Variants in FGD4 observed in about 807,000 individuals in gnomAD.
FGD4 encodes FYVE, RhoGEF and PH domain containing 4, also known as FYVE, RhoGEF and PH domain-containing protein 4.
In FGD4, 42 loss-of-function variants were observed where a neutral mutation model predicts 102.0. That is an observed-to-expected ratio of 0.41 (90% confidence interval 0.32 to 0.53). The LOEUF is 0.53. Among genes scored for constraint, FGD4 ranks in the 20% least tolerant of loss-of-function variants. FGD4 has a pLI of 0.21. For synonymous variants in FGD4, 380 were observed against 375.7 expected (o/e 1.01, Z -0.13); for missense variants, 902 against 1,078.2 (o/e 0.84, Z 2.29).
intron 4 of FGD4, among the ~76,000 whole-genome samples, chr12:32,584,662 G>A (rs12372735): frequency 0.12 from 18,724 of 151,910 alleles, 1,221 homozygotes; most frequent in Middle Eastern, 0.17. Context: ...GTTATGCTGT[G>A]ATATAGGTAT....
intron 1 of FGD4, among the ~76,000 whole-genome samples, chr12:32,498,801 C>T (rs1336048463): frequency 6.6e-6 from 1 of 152,158 alleles, no homozygotes; most frequent in African/African-American, 2.4e-5. Flanking sequence ...CAGGGTTTCA[C>T]CATGTTGGTC....
At chr12:32,576,483 G>A in intron 3 of FGD4, 34 bp downstream of exon 3, 2 of 1,612,030 alleles carry the variant, frequency 1.2e-6, no homozygotes, top group Non-Finnish European at 8.5e-7. Flanking sequence ...GAAGGCAGGA[G>A]AAGAAGAAAG....
At chr12:32,621,300 CAA>C (rs1177046095) in intron 11 of FGD4, among the ~76,000 whole-genome samples, 3 of 152,130 alleles carry the variant, frequency 2.0e-5, no homozygotes, top group Admixed American at 1.3e-4. Flanking sequence ...AAAATAATAA[CAA>C]TAATAATAAT....
chr12:32,596,804 G>A (rs1354008710), intron 4 of FGD4, among the ~76,000 whole-genome samples: 1 of 151,878 alleles, frequency 6.6e-6, no homozygotes. Context: ...CCGTCGTGGT[G>A]CATGCCTGTA....
chr12:32,608,408 A>T (rs1948925512), intron 8 of FGD4, among the ~76,000 whole-genome samples: 1 of 152,248 alleles, frequency 6.6e-6, no homozygotes. Context: ...GGAAGAATAT[A>T]GCCATTCAGA....
rs1356584380 is a variant in FGD4 at position 32,611,265 on chromosome 12, A to G, written c.1731A>G (p.Gln577=). The change falls in exon 10 of 17, where the codon CAA becomes CAG. Residue 577 remains glutamine (Q), a synonymous_variant. Transcript: ENST00000534526. The part of the protein sequence containing the change: ...LKLAARNTSA[Q]ERYLFLFNNM... Reference sequence around the variant, plus strand: ...TAGCTGCTCGGAACACTTCAGCACAAGAACGCTACCTTTTCTTAGTGAGTA... The same window carrying G: ...TAGCTGCTCGGAACACTTCAGCACAGGAACGCTACCTTTTCTTAGTGAGTA... 3 of 1,614,224 alleles carry G rather than the reference A, an allele frequency of 1.9e-6. No homozygotes were observed. The Admixed American group carries it at 5.0e-5, about 27-fold the overall frequency.
intron 4 of FGD4, among the ~76,000 whole-genome samples, chr12:32,597,105 G>A (rs965614862): frequency 4.6e-5 from 7 of 152,076 alleles, no homozygotes; most frequent in Non-Finnish European, 7.4e-5. Context: ...TGGAAATACT[G>A]TTTCTTTTTA....
chr12:32,461,625 T>C (rs899992469), intron 1 of FGD4, among the ~76,000 whole-genome samples: 7 of 152,190 alleles, frequency 4.6e-5, no homozygotes, highest in African/African-American at 1.7e-4. Flanking sequence ...ATTTCAAGAA[T>C]GTTGTACATT....
At chr12:32,613,744 G>T (rs1216344631) in intron 10 of FGD4, among the ~76,000 whole-genome samples, 1 of 152,178 alleles carries the variant, frequency 6.6e-6, no homozygotes, top group South Asian at 2.1e-4. Flanking sequence ...CCCAGCCTGG[G>T]TGACAGAGTG....
At position 32,550,742 on chromosome 12, in the gene FGD4, CTAAT is replaced by C. The variant is rs368575794; in HGVS notation, c.167-13392_167-13389del. 5.0e-3 allele frequency among the ~76,000 whole-genome samples: 740 copies of C among 148,278 alleles called. 5 individuals are homozygous for C. The highest frequency in any genetic ancestry group is 0.017 in the African/African-American group (675 of 40,460). On this transcript the variant is annotated intron_variant, in intron 1 of 16. Transcript: ENST00000534526. The stretch of plus-strand genomic sequence containing the variant: ...CTTAAACATGCTTTTCAGAAAATGA[CTAAT>C]TATCAAAAACTAGCAATTGTGATAC...
chr12:32,599,697 A>G (rs1357000775), intron 5 of FGD4, among the ~76,000 whole-genome samples: 1 of 149,798 alleles, frequency 6.7e-6, no homozygotes, highest in Non-Finnish European at 1.5e-5. Flanking sequence ...ACAGGCATGC[A>G]CCACCCACGC....
chr12:32,492,594 A>G (rs921549774), intron 1 of FGD4, among the ~76,000 whole-genome samples: 4 of 152,306 alleles, frequency 2.6e-5, no homozygotes, highest in African/African-American at 9.6e-5. Context: ...TGAAATTGCT[A>G]TAGTTTATTA....
intron 1 of FGD4, among the ~76,000 whole-genome samples, chr12:32,479,786 C>CTTTTT (rs559968024): frequency 6.6e-5 from 7 of 106,594 alleles, no homozygotes; most frequent in Admixed American, 1.1e-4. Flanking sequence ...AAGCATTATT[C>CTTTTT]TTTTTTTTTT....
intron 1 of FGD4, among the ~76,000 whole-genome samples, chr12:32,486,727 A>G (rs1174904511): frequency 6.6e-6 from 1 of 152,204 alleles, no homozygotes; most frequent in Non-Finnish European, 1.5e-5. Flanking sequence ...TGGGATCTGA[A>G]GTATAGTTGA....
At chr12:32,411,708 C>T (rs934590740) in intron 1 of FGD4, among the ~76,000 whole-genome samples, 1 of 152,132 alleles carries the variant, frequency 6.6e-6, no homozygotes, top group Non-Finnish European at 1.5e-5. Flanking sequence ...AGTGCAGTGG[C>T]TTACGCCTGT....
In FGD4 at chr12:32,564,199, C is replaced by G. The variant is rs1424191018; in HGVS notation, c.229C>G (p.Leu77Val). The change falls in exon 2 of 17, where the codon CTG (leucine) becomes GTG (valine). Residue 77 changes from leucine (L) to valine (V), a missense_variant. By Grantham distance (32) the Leu-to-Val change is conservative. Coordinates refer to ENST00000534526, the MANE Select transcript of FGD4 (RefSeq NM_001370298.3). The part of the protein sequence containing the change: ...PPCSTSSTTT[L>V]VGENVSEEEA... The stretch of plus-strand genomic sequence containing the variant: ...TTGCTCCACAAGCAGCACAACCACA[C>G]TGGTTGGTGAGAATGTATCTGAAGA... 1 of 1,536,132 alleles carries G rather than the reference C, an allele frequency of 6.5e-7. No homozygotes were observed. Among genetic ancestry groups the G allele is most frequent in the Non-Finnish European group, 8.7e-7 (1 of 1,146,908 alleles).
chr12:32,486,227 G>T, intron 1 of FGD4: 1 of 1,235,574 alleles, frequency 8.1e-7, no homozygotes, highest in Non-Finnish European at 1.1e-6. Context: ...GTATACAATA[G>T]ATGAGGTCAC....
chr12:32,490,957 A>T (rs1944066408), intron 1 of FGD4, among the ~76,000 whole-genome samples: 1 of 152,112 alleles, frequency 6.6e-6, no homozygotes, highest in Admixed American at 6.5e-5. Context: ...GCAGTATCCG[A>T]TATGTTTTGT....
intron 4 of FGD4, among the ~76,000 whole-genome samples, chr12:32,583,610 A>G (rs553646637): frequency 6.6e-6 from 1 of 152,354 alleles, no homozygotes; most frequent in African/African-American, 2.4e-5. Context: ...TTTCTAAAGA[A>G]GAAAGTGATT....
Sources: gnomAD v4.1 joint callset for allele counts (sites outside exome capture counted in the v4.1 genomes callset) on GRCh38, gnomAD v4.1.1 for gene constraint, MANE v1.5 for transcripts, NCBI Gene and HGNC (gene_info 2026-07-23, HGNC 2026-07-21) for gene names.